RUNX1T1: variants seen among roughly 807,000 people sequenced by gnomAD.
The protein encoded by RUNX1T1 is RUNX1 partner transcriptional co-repressor 1, also known as protein CBFA2T1.
A neutral mutation model predicts 62.8 loss-of-function variants in RUNX1T1; 4 were observed. That is an observed-to-expected ratio of 0.06 (90% CI 0.03 to 0.15). The LOEUF (loss-of-function observed/expected upper bound fraction) is 0.15, where lower values mean the gene tolerates loss of function less well. Among genes scored for constraint, RUNX1T1 ranks in the 10% least tolerant of loss-of-function variants. The probability of loss-of-function intolerance (pLI) is 1.00; values close to 1 mark genes in which losing one functional copy is unlikely to be tolerated. For synonymous variants in RUNX1T1, 291 were observed against 286.0 expected, an observed-to-expected ratio of 1.02 and a Z score of -0.18; for missense variants, 508 against 754.3, an observed-to-expected ratio of 0.67 and a Z score of 3.82.
intron 1 of RUNX1T1, among the ~76,000 whole-genome samples, chr8:92,059,060 G>A (rs1774646668): frequency 6.6e-6 from 1 of 152,174 alleles, no homozygotes; most frequent in African/African-American, 2.4e-5. Context: ...AATGTAAAGA[G>A]AAGGGAGAGG....
intron 1 of RUNX1T1, among the ~76,000 whole-genome samples, chr8:92,028,078 G>GT (rs989163451): frequency 2.1e-5 from 2 of 94,292 alleles, no homozygotes; most frequent in Admixed American, 1.1e-4. Context: ...GGAATAAATG[G>GT]GGGGGGGGGT....
intron 9 of RUNX1T1, among the ~76,000 whole-genome samples, chr8:91,971,365 T>C (rs1812789907): frequency 6.6e-6 from 1 of 151,906 alleles, no homozygotes; most frequent in Non-Finnish European, 1.5e-5. Flanking sequence ...TAAGTTAACA[T>C]GAATATAGGA....
intron 5 of RUNX1T1, among the ~76,000 whole-genome samples, chr8:92,000,771 T>C (rs1392413867): frequency 2.0e-5 from 3 of 152,160 alleles, no homozygotes; most frequent in African/African-American, 4.8e-5. Flanking sequence ...GGCTCTTCTG[T>C]CGTTAAAAAT....
chr8:92,038,303 T>C (rs907851074), intron 1 of RUNX1T1, among the ~76,000 whole-genome samples: 1 of 151,874 alleles, frequency 6.6e-6, no homozygotes, highest in Non-Finnish European at 1.5e-5. Flanking sequence ...GTGTCTGGCA[T>C]AGAAGTATTA....
At chr8:92,016,137 G>A (rs749943017) in intron 2 of RUNX1T1, among the ~76,000 whole-genome samples, 6 of 152,088 alleles carry the variant, frequency 3.9e-5, no homozygotes, top group South Asian at 2.1e-4. Flanking sequence ...AGCTGCAACC[G>A]ATAACATTTA....
rs1395922929 is a variant in RUNX1T1 at position 91,960,252 on chromosome 8, G to T, written c.1724C>A (p.Thr575Asn). 3 of 1,608,994 alleles carry T rather than the reference G, an allele frequency of 1.9e-6. No homozygotes were observed. In the Admixed American group the frequency reaches 5.1e-5, roughly 27 times the overall value. Residue 575 changes from threonine to asparagine, a missense_variant, in exon 11 of 11, where the codon ACC becomes AAC. Thr to Asn is a moderately conservative substitution (Grantham distance 65, BLOSUM62 0). Transcript: ENST00000396218. ...GTTCTGAGTTCACGTCTAGCGAGGG[G>T]TTGTCTCTATGGTGGAAGGGGTTCC...
chr8:92,001,707 GC>G (rs1359655439), intron 5 of RUNX1T1, among the ~76,000 whole-genome samples: 1 of 152,108 alleles, frequency 6.6e-6, no homozygotes, highest in Non-Finnish European at 1.5e-5. Flanking sequence ...GATTTCTTAA[GC>G]AAGAAAAATC....
At chr8:91,957,033 CAGAGAAAA>C (rs1296940828), downstream of RUNX1T1, 1 of 215,168 alleles carries the variant, frequency 4.6e-6, no homozygotes, top group Non-Finnish European at 9.3e-6. Context: ...AGTCTCATGA[CAGAGAAAA>C]AGAGAAAGAG....
intron 1 of RUNX1T1, among the ~76,000 whole-genome samples, chr8:92,040,369 A>G (rs77312816): frequency 0.011 from 1,606 of 152,274 alleles, 21 homozygotes; most frequent in African/African-American, 0.036. Context: ...ATACACATAC[A>G]CACGGACACA....
chr8:92,084,842 G>A (rs1350873470), intron 1 of RUNX1T1, among the ~76,000 whole-genome samples: 3 of 152,104 alleles, frequency 2.0e-5, no homozygotes, highest in Non-Finnish European at 4.4e-5. Context: ...GGCAAAGCAG[G>A]GTGTCATTTG....
intron 5 of RUNX1T1, chr8:92,004,862 C>T (rs1294743474): frequency 1.4e-5 from 5 of 348,500 alleles, no homozygotes; most frequent in Admixed American, 4.8e-5. Flanking sequence ...AAAAATCATT[C>T]GTCTTCACCA....
At chr8:92,061,614 C>A (rs556041704) in intron 1 of RUNX1T1, among the ~76,000 whole-genome samples, 1 of 152,292 alleles carries the variant, frequency 6.6e-6, no homozygotes, top group South Asian at 2.1e-4. Flanking sequence ...AAACAACTGG[C>A]AATACCTACA....
intron 8 of RUNX1T1, among the ~76,000 whole-genome samples, chr8:91,984,336 C>T (rs1816083574): frequency 6.6e-6 from 1 of 152,068 alleles, no homozygotes; most frequent in Non-Finnish European, 1.5e-5. Context: ...TGATAACTCG[C>T]TTAGGTATGA....
chr8:92,008,635 G>A (rs558557164), intron 4 of RUNX1T1, among the ~76,000 whole-genome samples: 3 of 152,230 alleles, frequency 2.0e-5, no homozygotes, highest in African/African-American at 7.2e-5. Flanking sequence ...TCACAGGCTG[G>A]ACATCTTGTG....
exon 8 of RUNX1T1, chr8:91,986,192 T>A: frequency 6.2e-7 from 1 of 1,614,108 alleles, no homozygotes; most frequent in Non-Finnish European, 8.5e-7. Context: ...GCCGCCACCT[T>A]TTTTTAAGTC....
At chr8:91,994,928 A>G (rs1486823462) in intron 5 of RUNX1T1, among the ~76,000 whole-genome samples, 1 of 152,236 alleles carries the variant, frequency 6.6e-6, no homozygotes, top group Non-Finnish European at 1.5e-5. Context: ...TAAATGCCAT[A>G]GTTATGCAGA....
exon 2 of RUNX1T1, chr8:92,017,244 A>T: frequency 2.5e-6 from 4 of 1,612,944 alleles, no homozygotes; most frequent in Non-Finnish European, 3.4e-6. Flanking sequence ...GGTGTAAATG[A>T]ACTGGTTCTT....
At chr8:92,043,128 A>G (rs949519401) in intron 1 of RUNX1T1, among the ~76,000 whole-genome samples, 4 of 152,164 alleles carry the variant, frequency 2.6e-5, no homozygotes, top group Non-Finnish European at 5.9e-5. Context: ...GAGGTGTTCT[A>G]AGGAAGAATT....
intron 1 of RUNX1T1, among the ~76,000 whole-genome samples, chr8:92,043,072 G>C (rs1282614013): frequency 2.0e-5 from 3 of 152,022 alleles, no homozygotes; most frequent in African/African-American, 4.8e-5. Flanking sequence ...TCACATGAAG[G>C]CATATGTCTT....
Sources: allele counts gnomAD v4.1 joint callset (sites outside exome capture counted in the v4.1 genomes callset), GRCh38; gene constraint gnomAD v4.1.1; transcripts MANE v1.5; gene names NCBI Gene and HGNC (gene_info 2026-07-23, HGNC 2026-07-21).